SYNPR: variants seen among roughly 807,000 people sequenced by gnomAD.
The protein encoded by SYNPR is synaptoporin.
In SYNPR, 23 loss-of-function variants were observed where a neutral mutation model predicts 32.9. That is an observed-to-expected ratio of 0.70 (90% CI 0.50 to 0.99). The LOEUF (loss-of-function observed/expected upper bound fraction) is 0.99, where lower values mean the gene tolerates loss of function less well. SYNPR is among the 50% of genes least tolerant of loss of function. SYNPR has a pLI of 0.00. For missense variants in SYNPR, 318 were observed against 349.3 expected, an observed-to-expected ratio of 0.91 and a Z score of 0.71; for synonymous variants, 146 against 135.9, an observed-to-expected ratio of 1.07 and a Z score of -0.52.
chr3:63,228,337 G>A (rs1337051889), exon 1 of SYNPR: 1 of 152,166 alleles, frequency 6.6e-6, no homozygotes, highest in African/African-American at 2.4e-5. Flanking sequence ...TGGCCTTGGA[G>A]AAGGAAGCTA....
chr3:63,242,298 C>T (rs1020636013), intron 1 of SYNPR, among the ~76,000 whole-genome samples: 1 of 151,920 alleles, frequency 6.6e-6, no homozygotes, highest in African/African-American at 2.4e-5. Flanking sequence ...AGTTGGCATG[C>T]CTGTACCGAG....
intron 2 of SYNPR, among the ~76,000 whole-genome samples, chr3:63,359,142 G>T (rs2107031337): frequency 6.6e-6 from 1 of 152,228 alleles, no homozygotes; most frequent in South Asian, 2.1e-4. Context: ...GCTGGGCTCT[G>T]GGGAGCATGG....
intron 2 of SYNPR, among the ~76,000 whole-genome samples, chr3:63,339,818 A>T (rs2106999122): frequency 6.6e-6 from 1 of 152,096 alleles, no homozygotes; most frequent in East Asian, 1.9e-4. Flanking sequence ...CACCATGTCC[A>T]GCTAATTTTT....
At chr3:63,541,432 A>G (rs1702300500) in intron 3 of SYNPR, among the ~76,000 whole-genome samples, 1 of 152,068 alleles carries the variant, frequency 6.6e-6, no homozygotes, top group Admixed American at 6.6e-5. Context: ...GACCTTAGTC[A>G]TTCTCCGGGA....
At chr3:63,425,216 G>A (rs1356162081) in intron 2 of SYNPR, among the ~76,000 whole-genome samples, 1 of 152,170 alleles carries the variant, frequency 6.6e-6, no homozygotes, top group East Asian at 1.9e-4. Context: ...ACATTTTGGG[G>A]GGAAATGAGC....
intron 2 of SYNPR, among the ~76,000 whole-genome samples, chr3:63,256,617 G>GA (rs1243957554): frequency 5.3e-5 from 8 of 152,182 alleles, no homozygotes; most frequent in Non-Finnish European, 1.2e-4. Context: ...CAAAGATGGA[G>GA]AAAAAACAGA....
intron 4 of SYNPR, among the ~76,000 whole-genome samples, chr3:63,599,923 T>A (rs181621028): frequency 3.6e-4 from 55 of 152,262 alleles, no homozygotes; most frequent in African/African-American, 1.2e-3. Context: ...TATTAAGCAA[T>A]AACACAGGAG....
intron 2 of SYNPR, among the ~76,000 whole-genome samples, chr3:63,374,057 A>G (rs2087852704): frequency 6.6e-6 from 1 of 152,170 alleles, no homozygotes; most frequent in Non-Finnish European, 1.5e-5. Flanking sequence ...CACTGGACCT[A>G]CCTTACAAGT....
intron 2 of SYNPR, among the ~76,000 whole-genome samples, chr3:63,297,414 T>G (rs2086800344): frequency 6.6e-6 from 1 of 152,218 alleles, no homozygotes; most frequent in Non-Finnish European, 1.5e-5. Context: ...CGAATGACCT[T>G]TTTTATTTGT....
chr3:63,262,514 CT>C (rs1468179076), intron 2 of SYNPR, among the ~76,000 whole-genome samples: 4 of 151,844 alleles, frequency 2.6e-5, no homozygotes, highest in African/African-American at 9.7e-5. Flanking sequence ...ATACTGTATC[CT>C]TCCAGGACAC....
rs3082060 is a variant in SYNPR at position 63,270,860 on chromosome 3, T to TTTCCTTCC, written n.287+3442_287+3449dup. The stretch of plus-strand genomic sequence containing the variant: ...TTTAGAGAAAAAATTCTCTCCCTTC[T>TTTCCTTCC]TTCCTTCCTTCCTTCCTTCCTTCCT... On this transcript the variant is annotated intron_variant and non_coding_transcript_variant, in intron 3 of 4. Coordinates refer to the SYNPR transcript ENST00000478456. 2.1e-3 allele frequency among the ~76,000 whole-genome samples: 174 copies of TTTCCTTCC among 84,278 alleles called. 3 individuals are homozygous for TTTCCTTCC. The highest frequency in any genetic ancestry group is 5.9e-3 in the African/African-American group (144 of 24,590). 55.3% of individuals were successfully genotyped at this position (84,278 alleles called of 152,430 possible).
intron 2 of SYNPR, among the ~76,000 whole-genome samples, chr3:63,259,605 A>G (rs1266254762): frequency 6.6e-6 from 1 of 152,218 alleles, no homozygotes; most frequent in Non-Finnish European, 1.5e-5. Flanking sequence ...TGACAAACCC[A>G]CAGCCAATGT....
At chr3:63,210,976 T>C in the SYNPR span, among the ~76,000 whole-genome samples, 4 of 152,212 alleles carry the variant, frequency 2.6e-5, 1 homozygote, top group South Asian at 4.1e-4. Flanking sequence ...ATTCAACAAA[T>C]AAACGCTTGC....
At chr3:63,373,927 C>T (rs541022451) in intron 2 of SYNPR, among the ~76,000 whole-genome samples, 36 of 152,258 alleles carry the variant, frequency 2.4e-4, no homozygotes, top group Non-Finnish European at 3.8e-4. Context: ...GGCCTATGTT[C>T]AGAATTGATA....
intron 4 of SYNPR, among the ~76,000 whole-genome samples, chr3:63,602,456 T>C (rs2106894169): frequency 6.6e-6 from 1 of 152,310 alleles, no homozygotes; most frequent in Admixed American, 6.5e-5. Context: ...TCCTAGGTTA[T>C]CTTCTAGGGT....
At chr3:63,321,983 G>A (rs1175709134) in intron 2 of SYNPR, among the ~76,000 whole-genome samples, 1 of 151,890 alleles carries the variant, frequency 6.6e-6, no homozygotes, top group East Asian at 1.9e-4. Context: ...GTTCCTCTTG[G>A]GTGTTTACCA....
intron 3 of SYNPR, among the ~76,000 whole-genome samples, chr3:63,499,010 T>A (rs181841367): frequency 6.1e-4 from 91 of 150,176 alleles, no homozygotes; most frequent in Middle Eastern, 3.5e-3. Flanking sequence ...CATGATCTGA[T>A]TTACATATTT....
chr3:63,559,590 T>G (rs554424878), intron 4 of SYNPR, among the ~76,000 whole-genome samples: 8 of 152,190 alleles, frequency 5.3e-5, no homozygotes, highest in Non-Finnish European at 1.0e-4. Flanking sequence ...GAATTCTCTG[T>G]TTTTAGAAAT....
chr3:63,409,069 C>T (rs2088427158), intron 2 of SYNPR, among the ~76,000 whole-genome samples: 1 of 152,090 alleles, frequency 6.6e-6, no homozygotes, highest in Admixed American at 6.6e-5. Flanking sequence ...AAGATCAATC[C>T]ATCTGCAGCT....
Sources: gnomAD v4.1 joint callset for allele counts (sites outside exome capture counted in the v4.1 genomes callset) on GRCh38, gnomAD v4.1.1 for gene constraint, MANE v1.5 for transcripts, NCBI Gene and HGNC (gene_info 2026-07-23, HGNC 2026-07-21) for gene names.